The following XKR4 variants were observed in gnomAD, a reference collection of about 807,000 sequenced individuals.
The protein encoded by XKR4 is XK-related protein 4.
In XKR4, 12 loss-of-function variants were observed where a neutral mutation model predicts 53.9. That is an observed-to-expected ratio of 0.22 (90% confidence interval 0.14 to 0.36). XKR4 has a LOEUF of 0.36. XKR4 is among the 10% of genes least tolerant of loss of function. The pLI, the probability that XKR4 is intolerant of heterozygous loss-of-function variation, is 1.00. For synonymous variants in XKR4, 354 were observed against 362.4 expected, an observed-to-expected ratio of 0.98 and a Z score of 0.26; for missense variants, 799 against 859.5, an observed-to-expected ratio of 0.93 and a Z score of 0.88.
At chr8:55,284,541 C>A (rs1168402946) in intron 1 of XKR4, among the ~76,000 whole-genome samples, 1 of 152,160 alleles carries the variant, frequency 6.6e-6, no homozygotes, top group Non-Finnish European at 1.5e-5. Flanking sequence ...CAGTTGCCCA[C>A]CACATGAGCA....
chr8:55,508,343 A>G (rs879148590), intron 2 of XKR4, among the ~76,000 whole-genome samples: 1 of 152,184 alleles, frequency 6.6e-6, no homozygotes, highest in Non-Finnish European at 1.5e-5. Flanking sequence ...CCATACCTCA[A>G]TTTAGAACAT....
At chr8:55,508,710 G>A (rs1806580746) in intron 2 of XKR4, among the ~76,000 whole-genome samples, 1 of 152,252 alleles carries the variant, frequency 6.6e-6, no homozygotes, top group Admixed American at 6.5e-5. Flanking sequence ...CCAGGGGCTA[G>A]TCTGGGGCAA....
In XKR4 at chr8:55,186,499, A is replaced by C. The variant is rs909045276; in HGVS notation, c.806+83205A>C. Among the ~76,000 whole-genome samples the C allele has an allele frequency of 1.1e-4, 16 of 150,046 alleles. 1 individual carries two copies. The highest frequency in any genetic ancestry group is 6.8e-3 in the Middle Eastern group (2 of 294). On this transcript the variant is annotated intron_variant, in intron 1 of 2. Transcript: ENST00000327381. ...TGAAACCCCGTCTCTACTAAAAATA[A>C]AAAAAAAATAGCCGGGCATGGTGGC...
chr8:55,172,737 CA>C (rs1451989811), intron 1 of XKR4, among the ~76,000 whole-genome samples: 2 of 152,228 alleles, frequency 1.3e-5, no homozygotes, highest in African/African-American at 4.8e-5. Context: ...GCATGATTAT[CA>C]TAGCCACAAA....
intron 1 of XKR4, among the ~76,000 whole-genome samples, chr8:55,152,690 A>C (rs2129355879): frequency 6.6e-6 from 1 of 152,328 alleles, no homozygotes; most frequent in South Asian, 2.1e-4. Context: ...GGAAACACCA[A>C]GATAACTGAT....
At chr8:55,268,196 G>A (rs1029858626) in intron 1 of XKR4, among the ~76,000 whole-genome samples, 5 of 152,102 alleles carry the variant, frequency 3.3e-5, no homozygotes, top group Non-Finnish European at 7.4e-5. Flanking sequence ...AGATTAAAAC[G>A]AATGGAGAGG....
chr8:55,160,150 A>G (rs1394514785), intron 1 of XKR4, among the ~76,000 whole-genome samples: 2 of 152,276 alleles, frequency 1.3e-5, no homozygotes, highest in East Asian at 3.9e-4. Flanking sequence ...GTGGGAGTCA[A>G]GGGTGTAACA....
intron 2 of XKR4, among the ~76,000 whole-genome samples, chr8:55,441,240 A>C (rs1242896631): frequency 6.8e-6 from 1 of 147,336 alleles, no homozygotes; most frequent in Non-Finnish European, 1.5e-5. Context: ...ACCCTGTCTC[A>C]AGAAAAAACA....
At chr8:55,364,604 TTTTTG>T (rs771768119) in intron 2 of XKR4, among the ~76,000 whole-genome samples, 3 of 151,854 alleles carry the variant, frequency 2.0e-5, no homozygotes, top group Non-Finnish European at 4.4e-5. Flanking sequence ...GTTGGCTGGG[TTTTTG>T]TTTTGTTTTG....
At chr8:55,507,440 T>C (rs1036906017) in intron 2 of XKR4, among the ~76,000 whole-genome samples, 5 of 152,172 alleles carry the variant, frequency 3.3e-5, no homozygotes, top group African/African-American at 1.2e-4. Flanking sequence ...CATGTTGTTG[T>C]GCTGCACCCA....
Position 55,193,430 on chromosome 8 carries a change from G to A in XKR4, c.806+90136G>A, listed in dbSNP as rs565984640. On this transcript the variant is annotated intron_variant, in intron 1 of 2. Transcript: ENST00000327381. ...GCTGCTGGGATGTTTCCCACCTGTC[G>A]TCAGTCCCTCCCTGCCCTGACCTCT... Among the ~76,000 whole-genome samples, 7 of 152,006 alleles carry A rather than the reference G, an allele frequency of 4.6e-5. No individual in the cohort carries two copies. The East Asian group carries it at 5.8e-4, about 13-fold the overall frequency.
At chr8:55,375,834 G>C (rs915275929) in intron 2 of XKR4, among the ~76,000 whole-genome samples, 18 of 151,770 alleles carry the variant, frequency 1.2e-4, no homozygotes, top group Non-Finnish European at 2.1e-4. Context: ...CCATCACCTA[G>C]GTATTAAGCC....
intron 2 of XKR4, among the ~76,000 whole-genome samples, chr8:55,401,220 C>T (rs754778855): frequency 1.3e-5 from 2 of 152,204 alleles, no homozygotes; most frequent in African/African-American, 2.4e-5. Flanking sequence ...GAGGACATGC[C>T]GGCTGAGCTG....
Position 55,430,536 on chromosome 8 carries a change from G to A in XKR4, c.1006+72659G>A, listed in dbSNP as rs140803785. Among the ~76,000 whole-genome samples the A allele has an allele frequency of 1.6e-3, 251 of 152,340 alleles. 4 individuals are homozygous for A. In the South Asian group the frequency reaches 0.039, roughly 24 times the overall value. On this transcript the variant is annotated intron_variant, in intron 2 of 2. Coordinates refer to ENST00000327381, the MANE Select transcript of XKR4 (RefSeq NM_052898.2). Reference sequence around the variant, plus strand: ...ATATGGGGTAAGGATGGAGGGAGGTGTTGTGGCTGAAAACGGTGATGGAAA... The same window carrying A: ...ATATGGGGTAAGGATGGAGGGAGGTATTGTGGCTGAAAACGGTGATGGAAA...
chr8:55,402,243 T>C (rs1804612037), intron 2 of XKR4, among the ~76,000 whole-genome samples: 1 of 152,152 alleles, frequency 6.6e-6, no homozygotes, highest in Non-Finnish European at 1.5e-5. Context: ...TGCACTAGGG[T>C]ACCTGCCCCT....
chr8:55,489,146 C>T (rs947109234), intron 2 of XKR4, among the ~76,000 whole-genome samples: 19 of 152,126 alleles, frequency 1.2e-4, no homozygotes, highest in Admixed American at 5.2e-4. Context: ...AGTAGGCTTT[C>T]GTTAAAAATA....
At chr8:55,426,621 C>CGAAT (rs761439865) in intron 2 of XKR4, among the ~76,000 whole-genome samples, 13 of 152,024 alleles carry the variant, frequency 8.6e-5, no homozygotes, top group Non-Finnish European at 1.8e-4. Context: ...AACTGCTAAA[C>CGAAT]GAATGAATGA....
chr8:55,383,207 C>G (rs1324685321), intron 2 of XKR4, among the ~76,000 whole-genome samples: 1 of 152,036 alleles, frequency 6.6e-6, no homozygotes, highest in East Asian at 1.9e-4. Context: ...AGGGAGACTC[C>G]GTCTCAAAAA....
chr8:55,185,586 T>C (rs1430386374), intron 1 of XKR4, among the ~76,000 whole-genome samples: 2 of 152,196 alleles, frequency 1.3e-5, no homozygotes, highest in Admixed American at 6.5e-5. Flanking sequence ...GCTTGAACTT[T>C]TTATGAAAAG....
Sources: allele counts gnomAD v4.1 joint callset (sites outside exome capture counted in the v4.1 genomes callset), GRCh38; gene constraint gnomAD v4.1.1; transcripts MANE v1.5; gene names NCBI Gene and HGNC (gene_info 2026-07-23, HGNC 2026-07-21).